The following NKAIN2 variants were observed in gnomAD, a reference collection of about 807,000 sequenced individuals.
The protein encoded by NKAIN2 is sodium/potassium-transporting ATPase subunit beta-1-interacting protein 2.
A neutral mutation model predicts 32.6 loss-of-function variants in NKAIN2; 14 were observed. The ratio of observed to expected loss-of-function variants is 0.43; its 90% CI spans 0.28 to 0.67. The LOEUF (loss-of-function observed/expected upper bound fraction) is 0.67. Among genes scored for constraint, NKAIN2 ranks in the 30% least tolerant of loss-of-function variants. NKAIN2 has a pLI of 0.17. For missense variants in NKAIN2, 198 were observed against 258.3 expected (o/e 0.77, Z 1.60); for synonymous variants, 80 against 87.2 (o/e 0.92, Z 0.46).
chr6:124,169,271 T>C (rs1378423986), intron 1 of NKAIN2, among the ~76,000 whole-genome samples: 2 of 152,174 alleles, frequency 1.3e-5, no homozygotes, highest in Non-Finnish European at 2.9e-5. Flanking sequence ...TAGATCTAAA[T>C]AATATTCTTT....
At chr6:124,137,729 C>A (rs1031075669) in intron 1 of NKAIN2, among the ~76,000 whole-genome samples, 8 of 152,070 alleles carry the variant, frequency 5.3e-5, no homozygotes, top group Non-Finnish European at 8.8e-5. Context: ...GACAACTGAT[C>A]TTTGACAAAG....
intron 3 of NKAIN2, among the ~76,000 whole-genome samples, chr6:124,368,614 T>G (rs1799620922): frequency 6.6e-6 from 1 of 152,088 alleles, no homozygotes; most frequent in Non-Finnish European, 1.5e-5. Flanking sequence ...ATAGGCACCA[T>G]GCATAGAAAA....
At chr6:124,472,856 ATTTT>A (rs1423431036) in intron 3 of NKAIN2, among the ~76,000 whole-genome samples, 2 of 152,002 alleles carry the variant, frequency 1.3e-5, no homozygotes, top group Non-Finnish European at 2.9e-5. Context: ...ATATATGTTT[ATTTT>A]TTATGTAAAG....
chr6:124,689,342 T>C (rs1774149461), intron 4 of NKAIN2, among the ~76,000 whole-genome samples: 1 of 152,158 alleles, frequency 6.6e-6, no homozygotes, highest in African/African-American at 2.4e-5. Flanking sequence ...GAGTTCATTG[T>C]GTATTTTGGA....
chr6:123,873,025 CT>C (rs1772977934), intron 1 of NKAIN2, among the ~76,000 whole-genome samples: 1 of 152,124 alleles, frequency 6.6e-6, no homozygotes, highest in South Asian at 2.1e-4. Flanking sequence ...GGAGTTAAAA[CT>C]TTGAGCAAGA....
intron 1 of NKAIN2, among the ~76,000 whole-genome samples, chr6:124,099,984 G>T (rs1784807226): frequency 1.3e-5 from 2 of 152,138 alleles, no homozygotes; most frequent in South Asian, 4.1e-4. Context: ...GTAGGATACT[G>T]GTTGTCTTCT....
chr6:124,139,355 T>G (rs1000426289), intron 1 of NKAIN2, among the ~76,000 whole-genome samples: 2 of 151,862 alleles, frequency 1.3e-5, no homozygotes, highest in Non-Finnish European at 2.9e-5. Flanking sequence ...CCCAAAGTGC[T>G]GGGATTACAG....
At chr6:123,900,731 C>T (rs1350919694) in intron 1 of NKAIN2, among the ~76,000 whole-genome samples, 3 of 151,638 alleles carry the variant, frequency 2.0e-5, no homozygotes, top group African/African-American at 7.3e-5. Flanking sequence ...AAGCTTTTGG[C>T]TTGTTGTCTA....
At position 124,555,226 on chromosome 6, in the gene NKAIN2, G is replaced by T. The variant is rs148129903; in HGVS notation, c.274-102960G>T. On this transcript the variant is annotated intron_variant, in intron 3 of 6. Coordinates refer to ENST00000368417, the MANE Select transcript of NKAIN2 (RefSeq NM_001040214.3). ...GGTTATGCCAGGTGGAGTGGCAATTGGTCCCTGATGCCAAGCAGAGAACAT... is the reference window on the plus strand; with the variant it reads ...GGTTATGCCAGGTGGAGTGGCAATTTGTCCCTGATGCCAAGCAGAGAACAT... Among the ~76,000 whole-genome samples the T allele has an allele frequency of 5.6e-4, 86 of 152,226 alleles. 1 individual carries two copies. Among genetic ancestry groups the T allele is most frequent in the African/African-American group, 2.0e-3 (83 of 41,544 alleles).
chr6:124,346,165 G>C (rs1798412677), intron 2 of NKAIN2, among the ~76,000 whole-genome samples: 1 of 152,158 alleles, frequency 6.6e-6, no homozygotes, highest in South Asian at 2.1e-4. Flanking sequence ...TCTTAATCCT[G>C]AGTTCTAGTT....
intron 4 of NKAIN2, among the ~76,000 whole-genome samples, chr6:124,696,432 G>C (rs887482084): frequency 6.6e-6 from 1 of 152,074 alleles, no homozygotes; most frequent in African/African-American, 2.4e-5. Flanking sequence ...AACTGGTTTT[G>C]CTTCAGAGTT....
intron 3 of NKAIN2, among the ~76,000 whole-genome samples, chr6:124,487,651 A>C (rs915050288): frequency 6.6e-5 from 10 of 152,054 alleles, no homozygotes; most frequent in Non-Finnish European, 1.0e-4. Context: ...AAAGGGAAAC[A>C]CTCACATCCT....
intron 1 of NKAIN2, among the ~76,000 whole-genome samples, chr6:123,885,987 A>G (rs1442935033): frequency 6.6e-6 from 1 of 151,682 alleles, no homozygotes; most frequent in East Asian, 1.9e-4. Flanking sequence ...CCCCAACTAG[A>G]AGAATACAAT....
chr6:123,929,476 G>C (rs1298582676), intron 1 of NKAIN2, among the ~76,000 whole-genome samples: 3 of 151,986 alleles, frequency 2.0e-5, no homozygotes, highest in Non-Finnish European at 4.4e-5. Context: ...CTTTTTTTGA[G>C]ACTGCCTTAC....
chr6:124,349,915 C>T (rs1437547233), intron 2 of NKAIN2, among the ~76,000 whole-genome samples: 2 of 152,198 alleles, frequency 1.3e-5, no homozygotes, highest in African/African-American at 2.4e-5. Context: ...GTTAATCTCT[C>T]AGATGGTTCA....
At chr6:124,507,953 G>A (rs534213297) in intron 3 of NKAIN2, among the ~76,000 whole-genome samples, 1 of 152,072 alleles carries the variant, frequency 6.6e-6, no homozygotes, top group Non-Finnish European at 1.5e-5. Context: ...CTAACAAACA[G>A]GTAAAAACAC....
At chr6:123,899,582 T>G (rs570809203) in intron 1 of NKAIN2, among the ~76,000 whole-genome samples, 22 of 152,314 alleles carry the variant, frequency 1.4e-4, no homozygotes, top group African/African-American at 5.3e-4. Flanking sequence ...TTCACGCACC[T>G]CATGCACTGG....
chr6:124,655,856 C>T (rs1784520742), intron 3 of NKAIN2, among the ~76,000 whole-genome samples: 1 of 152,086 alleles, frequency 6.6e-6, no homozygotes, highest in South Asian at 2.1e-4. Flanking sequence ...TCCTCCTTAC[C>T]ATTGTTTCAA....
chr6:124,402,718 G>A (rs1321761888), intron 3 of NKAIN2, among the ~76,000 whole-genome samples: 1 of 152,122 alleles, frequency 6.6e-6, no homozygotes, highest in Non-Finnish European at 1.5e-5. Context: ...AGCACATACT[G>A]CATGTTCTCA....
Sources: allele counts gnomAD v4.1 joint callset (sites outside exome capture counted in the v4.1 genomes callset), GRCh38; gene constraint gnomAD v4.1.1; transcripts MANE v1.5; gene names NCBI Gene and HGNC (gene_info 2026-07-23, HGNC 2026-07-21).